EFNB2: variants seen among roughly 807,000 people sequenced by gnomAD.
The protein encoded by EFNB2 is ephrin B2.
Under a neutral mutation model 32.1 loss-of-function variants are expected in EFNB2, and 5 were observed. That is an observed-to-expected ratio of 0.16 (90% CI 0.08 to 0.33). The LOEUF (loss-of-function observed/expected upper bound fraction) is 0.33, where lower values mean the gene tolerates loss of function less well. Among genes scored for constraint, EFNB2 ranks in the 10% least tolerant of loss-of-function variants. The pLI, the probability that EFNB2 is intolerant of heterozygous loss-of-function variation, is 1.00. For synonymous variants in EFNB2, 168 were observed against 166.5 expected, an observed-to-expected ratio of 1.01 and a Z score of -0.07; for missense variants, 263 against 422.6, an observed-to-expected ratio of 0.62 and a Z score of 3.31.
Position 106,535,093 on chromosome 13 carries a change from G to T in EFNB2, c.-129C>A. ...GTGCGCCCGCAGGCAGCTCCGAGGC[G>T]CGCTGCGCAGCTCCAGCGGTCGCCG... On this transcript the variant is annotated 5_prime_UTR_variant, in exon 1 of 5. Transcript: ENST00000646441. 7.7e-7 allele frequency: 1 copy of T among 1,295,992 alleles called. No homozygotes were observed. Among genetic ancestry groups the T allele is most frequent in the Non-Finnish European group, 1.0e-6 (1 of 975,694 alleles). The allele number at this position is 1,295,992 out of a possible 1,614,324, so 80.3% of individuals were successfully genotyped here. A position where few individuals can be genotyped will look rare whatever the true frequency, so the allele number is the denominator to read the frequency against.
chr13:106,525,622 C>T (rs1406692187), intron 1 of EFNB2, among the ~76,000 whole-genome samples: 1 of 152,202 alleles, frequency 6.6e-6, no homozygotes, highest in African/African-American at 2.4e-5. Context: ...GAGATGCCCA[C>T]AGTATTTCAA....
rs1433249551 is a variant in EFNB2 at position 106,521,687 on chromosome 13, A to G, written c.123-8875T>C. The G allele has an allele frequency of 2.6e-5, 4 of 152,174 alleles. No individual in the cohort carries two copies. The East Asian group carries it at 5.8e-4, about 22-fold the overall frequency. The allele number at this position is 152,174 out of a possible 1,614,324, so 9.4% of individuals were successfully genotyped here. On this transcript the variant is annotated intron_variant, in intron 1 of 4. Transcript: ENST00000646441. ...TAATCTTGTTTTTTATTTGTGATGT[A>G]ATGCTCAAAATCCTGCTGGCTGAAG... is the stretch of plus-strand genomic sequence containing the variant.
chr13:106,520,458 A>G (rs2893262), intron 1 of EFNB2: 120,261 of 152,176 alleles, frequency 0.79, 47,661 homozygotes, highest in East Asian at 0.97. Context: ...GGCCTGCCAC[A>G]TCTATACGGA....
At chr13:106,507,812 AC>A (rs1879005864) in intron 2 of EFNB2, among the ~76,000 whole-genome samples, 1 of 152,120 alleles carries the variant, frequency 6.6e-6, no homozygotes, top group Non-Finnish European at 1.5e-5. Context: ...CTTTAATCAA[AC>A]AGTCCTTCGG....
chr13:106,532,056 T>TAAAAAAA (rs992403515), intron 1 of EFNB2, among the ~76,000 whole-genome samples: 3 of 92,624 alleles, frequency 3.2e-5, no homozygotes, highest in African/African-American at 1.3e-4. Context: ...TCTGCTGAAT[T>TAAAAAAA]AAAAAAAAAA....
intron 1 of EFNB2, among the ~76,000 whole-genome samples, chr13:106,534,097 A>G (rs1427789068): frequency 1.3e-5 from 2 of 152,130 alleles, no homozygotes; most frequent in African/African-American, 4.8e-5. Flanking sequence ...CTAAGCTTTT[A>G]TAGGAAGTGC....
intron 1 of EFNB2, among the ~76,000 whole-genome samples, chr13:106,514,098 T>C (rs1879235682): frequency 6.6e-6 from 1 of 152,076 alleles, no homozygotes; most frequent in Non-Finnish European, 1.5e-5. Context: ...GGAAGAAAAA[T>C]GTATGTGGCT....
intron 1 of EFNB2, among the ~76,000 whole-genome samples, chr13:106,532,398 C>T (rs1296005245): frequency 1.3e-5 from 2 of 152,206 alleles, no homozygotes; most frequent in African/African-American, 4.8e-5. Flanking sequence ...AATTGTTCCA[C>T]AGTTCATAGG....
chr13:106,514,356 T>C (rs1879245044), intron 1 of EFNB2, among the ~76,000 whole-genome samples: 1 of 152,192 alleles, frequency 6.6e-6, no homozygotes, highest in South Asian at 2.1e-4. Flanking sequence ...CTCTGTGGTA[T>C]CCCCTCAACC....
intron 2 of EFNB2, among the ~76,000 whole-genome samples, chr13:106,501,276 A>C (rs1878768614): frequency 6.6e-6 from 1 of 152,212 alleles, no homozygotes; most frequent in Non-Finnish European, 1.5e-5. Flanking sequence ...AATTAATAAA[A>C]TCTTCTGAAA....
At chr13:106,514,163 T>TC (rs1879238832) in intron 1 of EFNB2, among the ~76,000 whole-genome samples, 2 of 152,098 alleles carry the variant, frequency 1.3e-5, no homozygotes, top group African/African-American at 4.8e-5. Context: ...AGAAGGATGG[T>TC]CCCTTTTTTT....
intron 2 of EFNB2, among the ~76,000 whole-genome samples, chr13:106,497,540 TA>T (rs1205864210): frequency 5.9e-5 from 9 of 151,746 alleles, no homozygotes; most frequent in African/African-American, 2.2e-4. Context: ...ATGGGGCTAT[TA>T]AAATTTTTTT....
chr13:106,522,636 A>G (rs1389217760), intron 1 of EFNB2, among the ~76,000 whole-genome samples: 1 of 152,202 alleles, frequency 6.6e-6, no homozygotes, highest in Non-Finnish European at 1.5e-5. Context: ...TAGGGAGAGC[A>G]TATCTTTTGT....
intron 2 of EFNB2, among the ~76,000 whole-genome samples, chr13:106,504,244 T>C (rs1288695725): frequency 1.3e-5 from 2 of 152,218 alleles, no homozygotes; most frequent in African/African-American, 4.8e-5. Flanking sequence ...GCAATGATAT[T>C]AATGACCCAG....
chr13:106,524,973 A>G (rs928282003), intron 1 of EFNB2, among the ~76,000 whole-genome samples: 3 of 152,234 alleles, frequency 2.0e-5, no homozygotes, highest in Non-Finnish European at 4.4e-5. Context: ...ATTATGCTAT[A>G]GTCTTTATTA....
chr13:106,493,184 G>C lies in EFNB2; in HGVS notation c.858C>G (p.Pro286=), dbSNP rs765559133. Residue 286 remains proline (P), a synonymous_variant, in exon 5 of 5, where the codon CCC becomes CCG. Coordinates refer to ENST00000646441, the MANE Select transcript of EFNB2 (RefSeq NM_004093.4). The surrounding 1 kb of genome is among the most constrained non-coding windows in gnomAD (Gnocchi z 6.1). The part of the protein sequence containing the change: ...KRSGNNNGSE[P]SDIIIPLRTA... The stretch of plus-strand genomic sequence containing the variant: ...TCCTTAGCGGGATGATAATGTCACT[G>C]GGCTCTGAGCCGTTGTTGTTGCCGC... 8 of 1,614,074 alleles carry C rather than the reference G, an allele frequency of 5.0e-6. No individual in the cohort carries two copies. Among genetic ancestry groups the C allele is most frequent in the Non-Finnish European group, 6.8e-6 (8 of 1,180,048 alleles).
In EFNB2 at chr13:106,492,653, C is replaced by T. The variant is rs1718782065; in HGVS notation, c.*387G>A. On this transcript the variant is annotated 3_prime_UTR_variant, in exon 5 of 5. Coordinates refer to ENST00000646441, the MANE Select transcript of EFNB2 (RefSeq NM_004093.4). The surrounding 1 kb of genome is among the most constrained non-coding windows in gnomAD (Gnocchi z 5.1). ...AAATGCACCCCAGGCAGAAGCCGGC[C>T]CTTCCAGGCGTGGCATCCTGGGGCA... 5 of 194,878 alleles carry T rather than the reference C, an allele frequency of 2.6e-5. No homozygotes were observed. The South Asian group carries it at 3.5e-4, about 14-fold the overall frequency. The allele number at this position is 194,878 out of a possible 1,614,324, so 12.1% of individuals were successfully genotyped here.
intron 1 of EFNB2, among the ~76,000 whole-genome samples, chr13:106,513,330 TATC>T (rs1316611413): frequency 6.6e-6 from 1 of 152,220 alleles, no homozygotes; most frequent in East Asian, 1.9e-4. Context: ...TCAAATTACT[TATC>T]ATAATTAGTC....
chr13:106,500,321 T>G (rs1878732227), intron 2 of EFNB2, among the ~76,000 whole-genome samples: 1 of 152,154 alleles, frequency 6.6e-6, no homozygotes, highest in Non-Finnish European at 1.5e-5. Flanking sequence ...TGCACCGATA[T>G]ATGGGTCTCA....
Sources: allele counts gnomAD v4.1 joint callset (sites outside exome capture counted in the v4.1 genomes callset), GRCh38; gene constraint gnomAD v4.1.1; non-coding constraint Gnocchi (gnomAD v3.1); transcripts MANE v1.5; gene names NCBI Gene and HGNC (gene_info 2026-07-23, HGNC 2026-07-21).